Variants in SAMMSON observed in about 807,000 individuals in gnomAD.
The protein encoded by SAMMSON is long intergenic non-protein coding RNA 1212.
intron 2 of SAMMSON, among the ~76,000 whole-genome samples, chr3:70,422,475 A>G (rs1575646210): frequency 6.6e-6 from 1 of 152,076 alleles, no homozygotes; most frequent in Non-Finnish European, 1.5e-5. Context: ...CTAGAATACT[A>G]CTATAGTACG....
intron 3 of SAMMSON, among the ~76,000 whole-genome samples, chr3:70,034,973 G>A (rs9822064): frequency 0.046 from 6,976 of 152,150 alleles, 359 homozygotes; most frequent in African/African-American, 0.12. Flanking sequence ...AAACTTAGTG[G>A]CTTAAAACAA....
chr3:70,366,492 G>GTTTTTTTTTTTTTTTTTTTTTT, intron 9 of SAMMSON, among the ~76,000 whole-genome samples: 1 of 100,758 alleles, frequency 9.9e-6, no homozygotes, highest in African/African-American at 3.6e-5. Context: ...GTGTTTTTAT[G>GTTTTTTTTTTTTTTTTTTTTTT]TTTTTTTTTT....
At chr3:70,363,842 G>C (rs1438745103) in intron 9 of SAMMSON, among the ~76,000 whole-genome samples, 6 of 151,324 alleles carry the variant, frequency 4.0e-5, no homozygotes, top group Non-Finnish European at 5.9e-5. Context: ...GACAGAGAGA[G>C]AGTGTGAATT....
At chr3:70,253,739 A>G (rs1255578144) in intron 6 of SAMMSON, among the ~76,000 whole-genome samples, 2 of 152,192 alleles carry the variant, frequency 1.3e-5, no homozygotes, top group African/African-American at 4.8e-5. Flanking sequence ...AAGTAAAAAT[A>G]CAAATAAAAA....
At chr3:70,192,542 C>T (rs1166492435) in intron 4 of SAMMSON, among the ~76,000 whole-genome samples, 1 of 152,164 alleles carries the variant, frequency 6.6e-6, no homozygotes, top group Non-Finnish European at 1.5e-5. Flanking sequence ...AATGAATGTC[C>T]TGGCCTCCCA....
intron 4 of SAMMSON, among the ~76,000 whole-genome samples, chr3:70,187,744 C>T (rs1559530686): frequency 2.6e-5 from 4 of 152,064 alleles, no homozygotes; most frequent in Admixed American, 2.0e-4. Context: ...CCGGGACCAA[C>T]TCTTTCTCAG....
At chr3:70,355,672 T>C (rs772808051) in intron 8 of SAMMSON, among the ~76,000 whole-genome samples, 6 of 151,856 alleles carry the variant, frequency 4.0e-5, no homozygotes, top group Non-Finnish European at 7.4e-5. Flanking sequence ...AGAAAGAAAA[T>C]AGACGGCAAG....
intron 6 of SAMMSON, among the ~76,000 whole-genome samples, chr3:70,288,119 C>G (rs1017232789): frequency 4.8e-5 from 7 of 145,570 alleles, no homozygotes; most frequent in Non-Finnish European, 9.1e-5. Flanking sequence ...TGTGTTTGCT[C>G]TTGCTTTTCT....
At chr3:70,255,348 A>G (rs1450146614) in intron 6 of SAMMSON, among the ~76,000 whole-genome samples, 1 of 152,242 alleles carries the variant, frequency 6.6e-6, no homozygotes, top group East Asian at 1.9e-4. Flanking sequence ...AGGACCAAAG[A>G]AGAGGCTTGG....
chr3:70,296,827 G>T (rs979288815), intron 7 of SAMMSON, among the ~76,000 whole-genome samples: 6 of 151,944 alleles, frequency 3.9e-5, no homozygotes, highest in Admixed American at 6.6e-5. Flanking sequence ...AGCTGGAGTG[G>T]TTTTTTTAAA....
chr3:70,388,159 G>C (rs1700999846), intron 9 of SAMMSON, among the ~76,000 whole-genome samples: 1 of 152,116 alleles, frequency 6.6e-6, no homozygotes, highest in African/African-American at 2.4e-5. Context: ...GCATCTGCCT[G>C]TTCACATTTT....
At chr3:70,345,281 T>G (rs1442814045) in intron 7 of SAMMSON, among the ~76,000 whole-genome samples, 1 of 152,180 alleles carries the variant, frequency 6.6e-6, no homozygotes, top group Non-Finnish European at 1.5e-5. Context: ...CTAGCCCATA[T>G]TCCCATAGGA....
intron 4 of SAMMSON, among the ~76,000 whole-genome samples, chr3:70,243,287 A>G (rs978024300): frequency 3.3e-5 from 5 of 151,974 alleles, no homozygotes; most frequent in Admixed American, 2.0e-4. Flanking sequence ...GGCCTTTGAA[A>G]TGTCTTCTAT....
At chr3:70,403,787 A>G (rs938721998) in intron 2 of SAMMSON, among the ~76,000 whole-genome samples, 33 of 152,332 alleles carry the variant, frequency 2.2e-4, no homozygotes, top group African/African-American at 7.9e-4. Flanking sequence ...AGATATAGAT[A>G]TAAAGTTAGA....
At chr3:70,355,396 A>G (rs1364434215) in intron 8 of SAMMSON, among the ~76,000 whole-genome samples, 1 of 152,196 alleles carries the variant, frequency 6.6e-6, no homozygotes, top group Non-Finnish European at 1.5e-5. Context: ...GGCATAAGAA[A>G]AAAAAAACCA....
At chr3:70,036,039 A>G (rs745919439) in intron 3 of SAMMSON, among the ~76,000 whole-genome samples, 9 of 152,198 alleles carry the variant, frequency 5.9e-5, no homozygotes, top group Non-Finnish European at 1.2e-4. Context: ...GATTGTCTTC[A>G]ATGGGCTTAC....
chr3:70,180,431 G>C (rs146489776), intron 4 of SAMMSON, among the ~76,000 whole-genome samples: 1 of 151,872 alleles, frequency 6.6e-6, no homozygotes, highest in Admixed American at 6.5e-5. Flanking sequence ...TATATTACAC[G>C]TATGTTGCAT....
intron 4 of SAMMSON, among the ~76,000 whole-genome samples, chr3:70,146,769 G>A (rs1008852020): frequency 1.8e-4 from 28 of 151,944 alleles, no homozygotes; most frequent in African/African-American, 6.5e-4. Context: ...AAGCAAAGAT[G>A]TACACTTTCC....
Position 70,267,578 on chromosome 3 carries a change from AT to A in SAMMSON, n.674+17927del, listed in dbSNP as rs377637066. On this transcript the variant is annotated intron_variant and non_coding_transcript_variant, in intron 6 of 9. Transcript: ENST00000642114. Reference sequence around the variant, plus strand: ...CCACCATGCCCGGCTAATTTTTTGTATTTTTTTTTTTTTTTTTTTAGTAAAG... The same window carrying A: ...CCACCATGCCCGGCTAATTTTTTGTATTTTTTTTTTTTTTTTTTAGTAAAG... Among the ~76,000 whole-genome samples the A allele has an allele frequency of 4.1e-3, 541 of 132,764 alleles. 5 individuals are homozygous for A. The highest frequency in any genetic ancestry group is 0.015 in the African/African-American group (514 of 34,910). The allele number at this position is 132,764 out of a possible 152,430, so 87.1% of individuals were successfully genotyped here. A position where few individuals can be genotyped will look rare whatever the true frequency, so the allele number is the denominator to read the frequency against.
Sources: gnomAD v4.1 joint callset for allele counts (sites outside exome capture counted in the v4.1 genomes callset) on GRCh38, gnomAD v4.1.1 for gene constraint, MANE v1.5 for transcripts, NCBI Gene and HGNC (gene_info 2026-07-23, HGNC 2026-07-21) for gene names.